The following DPP6 variants were observed in gnomAD, a reference collection of about 807,000 sequenced individuals.
DPP6 encodes A-type potassium channel modulatory protein DPP6.
In DPP6, 69 loss-of-function variants were observed where a neutral mutation model predicts 122.6. That is an observed-to-expected ratio of 0.56 (90% CI 0.46 to 0.69). The LOEUF (loss-of-function observed/expected upper bound fraction) is 0.69. DPP6 is among the 30% of genes least tolerant of loss of function. The probability of loss-of-function intolerance (pLI) is 0.00; values close to 1 mark genes in which losing one functional copy is unlikely to be tolerated. For missense variants in DPP6, 928 were observed against 1,116.9 expected (o/e 0.83, Z 2.41); for synonymous variants, 418 against 433.1 (o/e 0.97, Z 0.43).
At chr7:154,592,642 G>A (rs1028553158) in intron 5 of DPP6, among the ~76,000 whole-genome samples, 1 of 151,838 alleles carries the variant, frequency 6.6e-6, no homozygotes, top group African/African-American at 2.4e-5. Context: ...CGGCAGGGAC[G>A]GCATGGAAGC....
chr7:154,019,019 A>G (rs2533832), intron 1 of DPP6, among the ~76,000 whole-genome samples: 11 of 152,286 alleles, frequency 7.2e-5, no homozygotes, highest in African/African-American at 1.7e-4. Flanking sequence ...AGAGAAAACA[A>G]TTTAAAATGA....
intron 21 of DPP6, among the ~76,000 whole-genome samples, chr7:154,882,848 A>G (rs1253114113): frequency 6.6e-6 from 1 of 152,246 alleles, no homozygotes; most frequent in Non-Finnish European, 1.5e-5. Flanking sequence ...CATTGTCATT[A>G]GACAAGGTGC....
In DPP6 at chr7:153,972,521, T is replaced by G. The variant is rs560672464; in HGVS notation, c.51+84787T>G. On this transcript the variant is annotated intron_variant, in intron 1 of 25. Coordinates refer to the DPP6 transcript ENST00000404039. ...TACCAATATTGAAGTATTTACAGAC[T>G]GAAGCAATTTAGGCAGCATGCTCTA... Among the ~76,000 whole-genome samples the G allele has an allele frequency of 1.7e-3, 256 of 151,386 alleles. 2 individuals carry two copies. The highest frequency in any genetic ancestry group is 2.4e-3 in the East Asian group (12 of 5,088).
intron 1 of DPP6, among the ~76,000 whole-genome samples, chr7:154,407,796 T>G (rs1816248190): frequency 6.6e-6 from 1 of 152,162 alleles, no homozygotes; most frequent in South Asian, 2.1e-4. Flanking sequence ...TAATATACCG[T>G]GTCCAATATG....
Position 153,986,879 on chromosome 7 carries a change from C to G in DPP6, c.51+99145C>G, listed in dbSNP as rs563747381. ...TGTAGAGCACGTTGCACTGAGATGGCCCCAGAAGTAGATACTGAGAAAGTT... is the reference window on the plus strand; with the variant it reads ...TGTAGAGCACGTTGCACTGAGATGGGCCCAGAAGTAGATACTGAGAAAGTT... On this transcript the variant is annotated intron_variant, in intron 1 of 25. Coordinates refer to the DPP6 transcript ENST00000404039. Among the ~76,000 whole-genome samples the G allele has an allele frequency of 4.6e-5, 7 of 150,850 alleles. No individual in the cohort carries two copies. The South Asian group carries it at 1.5e-3, about 32-fold the overall frequency.
At chr7:154,052,301 G>A (rs1252298526), upstream of DPP6, 1 of 152,984 alleles carries the variant, frequency 6.5e-6, no homozygotes, top group Non-Finnish European at 1.5e-5. The surrounding 1 kb of genome is among the most constrained non-coding windows in gnomAD (Gnocchi z 4.8). Context: ...GCCAGTCCCG[G>A]GCGCGGGGAG....
At chr7:153,940,381 A>C (rs1801643051) in intron 1 of DPP6, among the ~76,000 whole-genome samples, 1 of 152,142 alleles carries the variant, frequency 6.6e-6, no homozygotes, top group Non-Finnish European at 1.5e-5. Context: ...TCAAGTGTTG[A>C]AGTCAAGTGC....
chr7:153,870,567 G>T, the DPP6 span, among the ~76,000 whole-genome samples: 2 of 152,112 alleles, frequency 1.3e-5, no homozygotes, highest in African/African-American at 2.4e-5. Context: ...TTTTCCCAAG[G>T]TTTTTAACTT....
chr7:154,230,962 T>C (rs770897895), intron 1 of DPP6, among the ~76,000 whole-genome samples: 1 of 152,260 alleles, frequency 6.6e-6, no homozygotes, highest in Non-Finnish European at 1.5e-5. Flanking sequence ...AAGTATTTCA[T>C]GTCACCAGTT....
intron 5 of DPP6, among the ~76,000 whole-genome samples, chr7:154,593,872 G>A (rs1832943681): frequency 1.3e-5 from 2 of 152,234 alleles, no homozygotes; most frequent in South Asian, 4.1e-4. Context: ...TTCACAGCTA[G>A]ATCTTGTACT....
intron 7 of DPP6, among the ~76,000 whole-genome samples, chr7:154,719,476 C>T (rs905651627): frequency 6.6e-6 from 1 of 152,156 alleles, no homozygotes; most frequent in African/African-American, 2.4e-5. Flanking sequence ...GTGGAGAAGA[C>T]CAGATGATCC....
At chr7:154,450,429 A>T (rs1820259297) in intron 2 of DPP6, among the ~76,000 whole-genome samples, 1 of 152,230 alleles carries the variant, frequency 6.6e-6, no homozygotes, top group African/African-American at 2.4e-5. Context: ...TGTGAATTTC[A>T]TCTCTATTAA....
Position 154,872,647 on chromosome 7 carries a change from C to G in DPP6, c.1837C>G (p.Pro613Ala). 1.2e-6 allele frequency: 2 copies of G among 1,602,502 alleles called. No homozygotes were observed. The highest frequency in any genetic ancestry group is 1.7e-6 in the Non-Finnish European group (2 of 1,174,780). ...AGACCTGCCCATGCAGATACTGAAG[C>G]CAGCAACCTTCACCGACACCACCCA... is the stretch of plus-strand genomic sequence containing the variant. ...DYNLPMQILK[P>A]ATFTDTTHYP... The change falls in exon 19 of 26, where the codon CCA (proline) becomes GCA (alanine). Residue 613 changes from proline to alanine, a missense_variant. Coordinates refer to ENST00000377770, the MANE Select transcript of DPP6 (RefSeq NM_130797.4).
chr7:154,267,724 CAT>C (rs1299931834), intron 1 of DPP6, among the ~76,000 whole-genome samples: 6 of 118,698 alleles, frequency 5.1e-5, no homozygotes, highest in African/African-American at 9.7e-5. Context: ...TGCACACATA[CAT>C]ATATATGTGT....
At chr7:154,848,058 T>C (rs141244614) in intron 16 of DPP6, among the ~76,000 whole-genome samples, 55 of 152,362 alleles carry the variant, frequency 3.6e-4, no homozygotes, top group African/African-American at 1.1e-3. Flanking sequence ...TATGTTTTAA[T>C]ACATTCATCT....
intron 1 of DPP6, among the ~76,000 whole-genome samples, chr7:154,112,014 A>T (rs1806621325): frequency 6.6e-6 from 1 of 152,170 alleles, no homozygotes; most frequent in Admixed American, 6.5e-5. Context: ...CATATTTTCC[A>T]ATTTGCCCTC....
At chr7:154,043,443 T>C (rs1465409864) in intron 1 of DPP6, among the ~76,000 whole-genome samples, 1 of 99,996 alleles carries the variant, frequency 1.0e-5, no homozygotes, top group Non-Finnish European at 2.0e-5. Flanking sequence ...AAAAAGGACC[T>C]ATTCCAAGAT....
At position 154,284,778 on chromosome 7, in the gene DPP6, A is replaced by T. The variant is rs540070917; in HGVS notation, c.244-161436A>T. On this transcript the variant is annotated intron_variant, in intron 1 of 25. Coordinates refer to ENST00000377770, the MANE Select transcript of DPP6 (RefSeq NM_130797.4). ...GCCAAGGCAGGAGAATTGCTTGAAC[A>T]CAGGAGGTGGAGGTTGCAGTGAGCA... Among the ~76,000 whole-genome samples, 7 of 152,274 alleles carry T rather than the reference A, an allele frequency of 4.6e-5. No homozygotes were observed. The East Asian group carries it at 1.4e-3, about 29-fold the overall frequency.
intron 1 of DPP6, among the ~76,000 whole-genome samples, chr7:154,087,804 C>T (rs956699404): frequency 3.9e-5 from 6 of 152,206 alleles, no homozygotes; most frequent in African/African-American, 1.4e-4. Flanking sequence ...TTATCCAAAG[C>T]TACTGCATTT....
Sources: allele counts gnomAD v4.1 joint callset (sites outside exome capture counted in the v4.1 genomes callset), GRCh38; gene constraint gnomAD v4.1.1; non-coding constraint Gnocchi (gnomAD v3.1); transcripts MANE v1.5; gene names NCBI Gene and HGNC (gene_info 2026-07-23, HGNC 2026-07-21).